ITGA9: variants seen among roughly 807,000 people sequenced by gnomAD.
ITGA9 encodes integrin subunit alpha 9, also known as integrin alpha-9.
ITGA9 carries 56 observed loss-of-function variants against 127.8 expected under a neutral mutation model. The ratio of observed to expected loss-of-function variants is 0.44; its 90% confidence interval spans 0.35 to 0.55. ITGA9 has a LOEUF of 0.55. ITGA9 is among the 20% of genes least tolerant of loss of function. ITGA9 has a pLI of 0.00. For synonymous variants in ITGA9, 508 were observed against 514.5 expected (o/e 0.99, Z 0.17); for missense variants, 1,196 against 1,347.1 (o/e 0.89, Z 1.76).
At chr3:37,546,736 G>C (rs563430058) in intron 15 of ITGA9, among the ~76,000 whole-genome samples, 30 of 152,254 alleles carry the variant, frequency 2.0e-4, no homozygotes, top group African/African-American at 7.2e-4. Flanking sequence ...TATGGAGTGG[G>C]GCCTGCTTGC....
chr3:37,580,451 G>C (rs539152182), intron 15 of ITGA9, among the ~76,000 whole-genome samples: 2 of 152,170 alleles, frequency 1.3e-5, no homozygotes, highest in Non-Finnish European at 2.9e-5. Context: ...CACTTTGTCC[G>C]CTAAGTCTTG....
chr3:37,732,563 G>T (rs1209343914), intron 18 of ITGA9, 149 bp from the exon 19 acceptor site: 1 of 698,988 alleles, frequency 1.4e-6, no homozygotes, highest in African/African-American at 1.8e-5. Context: ...AGCTGGAAGG[G>T]GGCTGGAGAC....
chr3:37,549,957 C>T (rs111372046), intron 15 of ITGA9, among the ~76,000 whole-genome samples: 2,144 of 152,232 alleles, frequency 0.014, 58 homozygotes, highest in African/African-American at 0.048. Context: ...TAAAAGAATT[C>T]CCATAATATT....
At chr3:37,593,345 G>T (rs1324078890) in intron 15 of ITGA9, among the ~76,000 whole-genome samples, 1 of 152,010 alleles carries the variant, frequency 6.6e-6, no homozygotes, top group Non-Finnish European at 1.5e-5. Context: ...GAATATTTTT[G>T]ATCTGTGGTT....
intron 14 of ITGA9, among the ~76,000 whole-genome samples, chr3:37,535,811 A>G (rs983356373): frequency 2.6e-5 from 4 of 152,244 alleles, no homozygotes; most frequent in African/African-American, 9.6e-5. Flanking sequence ...TAATAAGGCA[A>G]TGCAGAAAAT....
chr3:37,460,629 A>G lies in ITGA9; in HGVS notation c.185+8070A>G, dbSNP rs1194999014. On this transcript the variant is annotated intron_variant, in intron 1 of 27. Transcript: ENST00000264741. ...TTTTGAGATGGAGTCTTGCTCTGTC[A>G]CCCAGGCTGGAGTGCAGTGGTGCGA... is the stretch of plus-strand genomic sequence containing the variant. 3.1e-5 allele frequency among the ~76,000 whole-genome samples: 4 copies of G among 128,888 alleles called. No individual in the cohort carries two copies. The East Asian group carries it at 8.8e-4, about 28-fold the overall frequency. The allele number at this position is 128,888 out of a possible 152,430, so 84.6% of individuals were successfully genotyped here. A position where few individuals can be genotyped will look rare whatever the true frequency, so the allele number is the denominator to read the frequency against.
chr3:37,461,468 G>A (rs1698316005), intron 1 of ITGA9, among the ~76,000 whole-genome samples: 1 of 152,204 alleles, frequency 6.6e-6, no homozygotes, highest in African/African-American at 2.4e-5. Context: ...GCACAACACG[G>A]CACACAGTAA....
chr3:37,470,105 C>T (rs1456758489), intron 1 of ITGA9, among the ~76,000 whole-genome samples: 2 of 151,268 alleles, frequency 1.3e-5, no homozygotes, highest in Non-Finnish European at 2.9e-5. Context: ...TTTACCTGTC[C>T]ACTCTAGCAC....
In ITGA9 at chr3:37,452,484, C is replaced by T; in HGVS notation, c.110C>T (p.Pro37Leu). Residue 37 changes from proline to leucine, a missense_variant, in exon 1 of 28, where the codon CCC (proline) becomes CTC (leucine). By Grantham distance (98) the Pro-to-Leu change is moderately conservative (BLOSUM62 -3). Transcript: ENST00000264741. The surrounding 1 kb of genome is among the most constrained non-coding windows in gnomAD (Gnocchi z 7.3). ...GCCTACAACCTCGACCCGCAGCGCC[C>T]CGTGCACTTCCAGGGCCCCGCTGAC... Reference protein sequence around the residue: ...AGAYNLDPQRPVHFQGPADSF... With the variant: ...AGAYNLDPQRLVHFQGPADSF... 2 of 1,516,142 alleles carry T rather than the reference C, an allele frequency of 1.3e-6. No individual in the cohort carries two copies. The highest frequency in any genetic ancestry group is 1.9e-4 in the Middle Eastern group (1 of 5,274). 93.9% of individuals were successfully genotyped at this position (1,516,142 alleles called of 1,614,324 possible).
chr3:37,562,883 T>A (rs1699507844), intron 15 of ITGA9, among the ~76,000 whole-genome samples: 1 of 151,914 alleles, frequency 6.6e-6, no homozygotes, highest in African/African-American at 2.4e-5. Context: ...ACAACCAAGG[T>A]AGTCTGGCAA....
intron 15 of ITGA9, among the ~76,000 whole-genome samples, chr3:37,571,700 A>G (rs991657303): frequency 6.6e-6 from 1 of 152,124 alleles, no homozygotes; most frequent in African/African-American, 2.4e-5. Flanking sequence ...TCTGAGATAC[A>G]GTAATCTAGA....
chr3:37,503,253 A>G lies in ITGA9; in HGVS notation c.688A>G (p.Thr230Ala). Residue 230 changes from threonine to alanine, a missense_variant, in exon 6 of 28, where the codon ACC becomes GCC. By Grantham distance (58) the Thr-to-Ala change is moderately conservative. Transcript: ENST00000264741. ...TIKVLNLTDN[T>A]YLKLNDEVIM... ...CAAAGTGCTGAACCTTACGGACAAC[A>G]CCTATTTAAAACTGAACGACGAAGT... 9.9e-6 allele frequency: 16 copies of G among 1,614,114 alleles called. No homozygotes were observed. The highest frequency in any genetic ancestry group is 1.4e-5 in the Non-Finnish European group (16 of 1,180,008).
intron 15 of ITGA9, among the ~76,000 whole-genome samples, chr3:37,584,297 G>A (rs889397600): frequency 2.6e-5 from 4 of 152,160 alleles, no homozygotes; most frequent in Non-Finnish European, 5.9e-5. Flanking sequence ...ACCTCTTAAG[G>A]GGTAGGCTCA....
chr3:37,799,764 G>T lies in ITGA9; in HGVS notation c.2890-4059G>T, dbSNP rs1025511679. Among the ~76,000 whole-genome samples, 2 of 152,146 alleles carry T rather than the reference G, an allele frequency of 1.3e-5. No individual in the cohort carries two copies. The highest frequency in any genetic ancestry group is 2.9e-5 in the Non-Finnish European group (2 of 68,032). On this transcript the variant is annotated intron_variant, in intron 26 of 27. Coordinates refer to ENST00000264741, the MANE Select transcript of ITGA9 (RefSeq NM_002207.3). This position sits in a 1 kb window ranked among gnomAD's most constrained non-coding sequence, Gnocchi z 4.0. ...AGAGAAGACGAGATGTGAGCCAGGA[G>T]GTACCTGGGATGGAAACAAGAGGAT...
chr3:37,467,409 G>A (rs934594149), intron 1 of ITGA9, among the ~76,000 whole-genome samples: 2 of 152,168 alleles, frequency 1.3e-5, no homozygotes, highest in Non-Finnish European at 2.9e-5. Flanking sequence ...AGATTTTGGT[G>A]TAAACTTTGT....
At chr3:37,462,798 G>T (rs1357324305) in intron 1 of ITGA9, among the ~76,000 whole-genome samples, 1 of 152,210 alleles carries the variant, frequency 6.6e-6, no homozygotes, top group Non-Finnish European at 1.5e-5. Context: ...TGGGGTGCAT[G>T]GTCCCCCAAA....
chr3:37,591,612 G>A (rs538892172), intron 15 of ITGA9, among the ~76,000 whole-genome samples: 29 of 152,286 alleles, frequency 1.9e-4, no homozygotes, highest in African/African-American at 5.5e-4. Context: ...TGTAGACCTC[G>A]GGGGTCCAGA....
rs1280644295 is a variant in ITGA9, at chr3:37,511,962, CTCTTTCTTTTCTTTTCTTT to C, written c.898-1795_898-1777del. Among the ~76,000 whole-genome samples the C allele has an allele frequency of 4.0e-3, 375 of 93,434 alleles. 37 individuals are homozygous for C. Among genetic ancestry groups the C allele is most frequent in the South Asian group, 0.01 (25 of 2,418 alleles). The allele number at this position is 93,434 out of a possible 152,430, so 61.3% of individuals were successfully genotyped here. ...TTATTTTAAAAGAATAATGCTTTTT[CTCTTTCTTTTCTTTTCTTT>C]TCTTTTCTTTTCTTTTCTTTTCTTT... is the stretch of plus-strand genomic sequence containing the variant. On this transcript the variant is annotated intron_variant, in intron 8 of 27. Transcript: ENST00000264741.
intron 14 of ITGA9, among the ~76,000 whole-genome samples, chr3:37,539,385 A>G (rs919962972): frequency 6.6e-6 from 1 of 152,196 alleles, no homozygotes; most frequent in Non-Finnish European, 1.5e-5. Context: ...CTCCAGAGAA[A>G]CAGAATGGAG....
Sources: allele counts gnomAD v4.1 joint callset (sites outside exome capture counted in the v4.1 genomes callset), GRCh38; gene constraint gnomAD v4.1.1; non-coding constraint Gnocchi (gnomAD v3.1); transcripts MANE v1.5; gene names NCBI Gene and HGNC (gene_info 2026-07-23, HGNC 2026-07-21).